TNXB: variants seen among roughly 807,000 people sequenced by gnomAD.
The protein encoded by TNXB is tenascin-X.
In TNXB, 183 loss-of-function variants were observed where a neutral mutation model predicts 340.5. The observed-to-expected ratio is 0.54, with a 90% CI of 0.48 to 0.61. The LOEUF (loss-of-function observed/expected upper bound fraction) is 0.61, where lower values mean the gene tolerates loss of function less well. TNXB is among the 20% of genes least tolerant of loss of function. The pLI, the probability that TNXB is intolerant of heterozygous loss-of-function variation, is 0.00. For synonymous variants in TNXB, 2,121 were observed against 2,314.5 expected (o/e 0.92, Z 2.40); for missense variants, 4,613 against 5,446.4 (o/e 0.85, Z 4.82).
At chr6:32,053,092 C>T (rs1777397196) in intron 25 of TNXB, 99 bp from the exon 26 acceptor site, 1 of 1,329,804 alleles carries the variant, frequency 7.5e-7, no homozygotes, top group Admixed American at 2.2e-5. Flanking sequence ...AGTGGGGGTC[C>T]TGGGGTCAGC....
chr6:32,073,920 C>T lies in TNXB; in HGVS notation c.4408G>A (p.Glu1470Lys). 3.1e-6 allele frequency: 5 copies of T among 1,603,662 alleles called. No individual in the cohort carries two copies. The South Asian group carries it at 3.4e-5, about 11-fold the overall frequency. Reference protein sequence around the residue: ...PQQEETPPATESPLEPRLGEL... With the variant: ...PQQEETPPATKSPLEPRLGEL... Reference sequence around the variant, plus strand: ...CCTAGGCGTGGCTCCAGCGGGGACTCAGTGGCTGGAGGGGTCTCTTCTTGT... The same window carrying T: ...CCTAGGCGTGGCTCCAGCGGGGACTTAGTGGCTGGAGGGGTCTCTTCTTGT... Residue 1470 changes from glutamate to lysine, a missense_variant, in exon 12 of 44, where the codon GAG becomes AAG. This residue lies in a region of TNXB where 4,327 missense variants were observed against 4,859.4 expected (regional missense o/e 0.89). Transcript: ENST00000644971. The surrounding 1 kb of genome is among the most constrained non-coding windows in gnomAD (Gnocchi z 4.6).
At chr6:32,099,801 G>T (rs1235711356) in intron 1 of TNXB, among the ~76,000 whole-genome samples, 1 of 151,774 alleles carries the variant, frequency 6.6e-6, no homozygotes, top group Non-Finnish European at 1.5e-5. Flanking sequence ...AAGGTGCAAG[G>T]ATAGACAGAT....
chr6:32,093,270 A>G (rs2127281057), intron 4 of TNXB: 1 of 672,404 alleles, frequency 1.5e-6, no homozygotes, highest in African/African-American at 1.8e-5. Context: ...GCAGCCAGGA[A>G]TTGTTTTTCT....
rs766137106 is a variant in TNXB, at chr6:32,046,348, G to A, written c.10433C>T (p.Ser3478Phe). Reference protein sequence around the residue: ...SWTVAQGPFDSFVVQYRDTDG... With the variant: ...SWTVAQGPFDFFVVQYRDTDG... ...CGTGTCCCTGTACTGGACCACGAAG[G>A]AGTCAAAGGGGCCCTGGGCTACCGT... Residue 3478 changes from serine (S) to phenylalanine (F), a missense_variant, in exon 31 of 44, where the codon TCC (serine) becomes TTC (phenylalanine). Around this residue, in one of 7 missense-constraint regions of TNXB, gnomAD observed 4,327 missense variants for 4,859.4 expected, o/e 0.89. Transcript: ENST00000644971. This position sits in a 1 kb window ranked among gnomAD's most constrained non-coding sequence, Gnocchi z 6.9. 2 of 1,605,232 alleles carry A rather than the reference G, an allele frequency of 1.2e-6. No homozygotes were observed. The highest frequency in any genetic ancestry group is 1.7e-5 in the Admixed American group (1 of 59,986).
At position 32,108,585 on chromosome 6, in the gene TNXB, C is replaced by T. The variant is rs1468156982; in HGVS notation, c.-9+596G>A. ...CGTCCCAGACCCGAGTCCTGACTGT[C>T]CCATTTCAGTATTTCCTAAAGAGAT... On this transcript the variant is annotated intron_variant, in intron 1 of 43. Coordinates refer to ENST00000644971, the MANE Select transcript of TNXB (RefSeq NM_001365276.2). The surrounding 1 kb of genome is among the most constrained non-coding windows in gnomAD (Gnocchi z 4.8). Among the ~76,000 whole-genome samples, 1 of 152,098 alleles carries T rather than the reference C, an allele frequency of 6.6e-6. No homozygotes were observed. The highest frequency in any genetic ancestry group is 1.5e-5 in the Non-Finnish European group (1 of 68,014).
rs1210958327 is a variant in TNXB at position 32,047,959 on chromosome 6, T to A, written c.10099A>T (p.Thr3367Ser). The A allele has an allele frequency of 6.2e-7, 1 of 1,611,244 alleles. No homozygotes were observed. The change falls in exon 30 of 44, where the codon ACC (threonine) becomes TCC (serine). Residue 3367 changes from threonine to serine, a missense_variant. Thr to Ser is a moderately conservative substitution (Grantham distance 58). Around this residue, in one of 7 missense-constraint regions of TNXB, gnomAD observed 4,327 missense variants for 4,859.4 expected, o/e 0.89. Transcript: ENST00000644971. This position sits in a 1 kb window ranked among gnomAD's most constrained non-coding sequence, Gnocchi z 6.2. ...CACGAGAGGCCCACGGAGTCAGGGG[T>A]CGCATCTGTCACAGTCAGCTCCCCC... ...RLGELTVTDA[T>S]PDSVGLSWTV...
At chr6:32,078,181 T>TCAC (rs1371367113) in intron 11 of TNXB, among the ~76,000 whole-genome samples, 2 of 151,724 alleles carry the variant, frequency 1.3e-5, no homozygotes, top group East Asian at 3.9e-4. Context: ...GCGTGGTGGC[T>TCAC]CACGCCTGTA....
Position 32,085,998 on chromosome 6 carries a change from C to T in TNXB, c.2900G>A (p.Arg967Lys). 2 of 1,606,978 alleles carry T rather than the reference C, an allele frequency of 1.2e-6. No homozygotes were observed. The highest frequency in any genetic ancestry group is 1.7e-6 in the Non-Finnish European group (2 of 1,178,408). The change falls in exon 7 of 44, where the codon AGG (arginine) becomes AAG (lysine). Residue 967 changes from arginine (R) to lysine (K), a missense_variant. This residue lies in a region of TNXB where 4,327 missense variants were observed against 4,859.4 expected (regional missense o/e 0.89). Coordinates refer to ENST00000644971, the MANE Select transcript of TNXB (RefSeq NM_001365276.2). This position sits in a 1 kb window ranked among gnomAD's most constrained non-coding sequence, Gnocchi z 6.4. Reference protein sequence around the residue: ...QQRPQELGELRVLGRDETGRL... With the variant: ...QQRPQELGELKVLGRDETGRL... ...CCCTGTCTCATCTCTGCCCAGCACC[C>T]TCAACTCTCCCAGCTCCTGGGGGCG...
rs1480248990 is a variant in TNXB at position 32,052,967 on chromosome 6, T to G, written c.8818A>C (p.Thr2940Pro). The change falls in exon 26 of 44, where the codon ACA becomes CCA. Residue 2940 changes from threonine (T) to proline (P), a missense_variant. Thr to Pro is a conservative substitution (Grantham distance 38). Transcript: ENST00000644971. This position sits in a 1 kb window ranked among gnomAD's most constrained non-coding sequence, Gnocchi z 4.7. Reference protein sequence around the residue: ...TAAEEETPAPTEPSTEAPEPP... With the variant: ...TAAEEETPAPPEPSTEAPEPP... ...TCCGGGGCCTCCGTGCTGGGTTCTG[T>G]GGGGGCGGGAGTTTCTTCCTCTGCA... The G allele has an allele frequency of 5.0e-6, 8 of 1,611,532 alleles. No individual in the cohort carries two copies. The highest frequency in any genetic ancestry group is 6.8e-6 in the Non-Finnish European group (8 of 1,179,368).
rs773650422 is a variant in TNXB at position 32,067,899 on chromosome 6, T to C, written c.6306A>G (p.Thr2102=). Residue 2102 remains threonine, a synonymous_variant, in exon 18 of 44, where the codon ACA becomes ACG. Transcript: ENST00000644971. The surrounding 1 kb of genome is among the most constrained non-coding windows in gnomAD (Gnocchi z 4.2). ...PAEEPLLGEL[T]VTGSSPDSLS... is the part of the protein sequence containing the mutation. ...GCGAGTCAGGGGAGGATCCTGTCACTGTTAGCTCCCCCAGGAGCGGCTCCT... is the reference window on the plus strand; with the variant it reads ...GCGAGTCAGGGGAGGATCCTGTCACCGTTAGCTCCCCCAGGAGCGGCTCCT... The C allele has an allele frequency of 6.2e-7, 1 of 1,612,710 alleles. No homozygotes were observed. The highest frequency in any genetic ancestry group is 8.5e-7 in the Non-Finnish European group (1 of 1,179,862).
In TNXB at chr6:32,064,445, C is replaced by T. The variant is rs548759654; in HGVS notation, c.6841+376G>A. Among the ~76,000 whole-genome samples the T allele has an allele frequency of 3.9e-5, 6 of 152,262 alleles. No homozygotes were observed. In the South Asian group the frequency reaches 1.2e-3, roughly 32 times the overall value. ...GCCAGGCTGGTCTCGAACTCCTGACCTCAAGTGATCTGCCCCCTTCGGCCT... is the reference window on the plus strand; with the variant it reads ...GCCAGGCTGGTCTCGAACTCCTGACTTCAAGTGATCTGCCCCCTTCGGCCT... On this transcript the variant is annotated intron_variant, in intron 19 of 43. Transcript: ENST00000644971. This position sits in a 1 kb window ranked among gnomAD's most constrained non-coding sequence, Gnocchi z 5.3.
Position 32,087,609 on chromosome 6 carries a change from G to A in TNXB, c.2779+1176C>T, listed in dbSNP as rs543327679. The stretch of plus-strand genomic sequence containing the variant: ...TCCTGGTGCCGGGATCAGGGCTGGC[G>A]GTGGGGCGGGGGTGGCGGGGCGGGG... On this transcript the variant is annotated intron_variant, in intron 6 of 43. Transcript: ENST00000644971. This position sits in a 1 kb window ranked among gnomAD's most constrained non-coding sequence, Gnocchi z 9.0. 133 of 399,102 alleles carry A rather than the reference G, an allele frequency of 3.3e-4. 1 individual carries two copies. Among genetic ancestry groups the A allele is most frequent in the South Asian group, 2.4e-3 (131 of 54,898 alleles). The allele number at this position is 399,102 out of a possible 1,614,324, so 24.7% of individuals were successfully genotyped here. A position where few individuals can be genotyped will look rare whatever the true frequency, so the allele number is the denominator to read the frequency against.
rs140304758 is a variant in TNXB at position 32,062,352 on chromosome 6, C to T, written c.6973G>A (p.Val2325Ile). The change falls in exon 20 of 44, where the codon GTT (valine) becomes ATT (isoleucine). Residue 2325 changes from valine to isoleucine, a missense_variant. This residue lies in a region of TNXB where 4,327 missense variants were observed against 4,859.4 expected (regional missense o/e 0.89). Transcript: ENST00000644971. This position sits in a 1 kb window ranked among gnomAD's most constrained non-coding sequence, Gnocchi z 4.3. ...AAGTGGTCAAACTGTCCCTCGGGAA[C>T]CGTCCAGGACAGGCTGAGGGAGTCA... is the stretch of plus-strand genomic sequence containing the variant. ...TPDSLSLSWT[V>I]PEGQFDHFLV... 881 of 1,613,560 alleles carry T rather than the reference C, an allele frequency of 5.5e-4. No individual in the cohort carries two copies. The highest frequency in any genetic ancestry group is 1.8e-3 in the Middle Eastern group (11 of 6,060).
chr6:32,041,600 T>C (rs1473888508), intron 43 of TNXB, 150 bp from the exon 44 acceptor site: 25 of 1,080,784 alleles, frequency 2.3e-5, no homozygotes, highest in Non-Finnish European at 6.9e-6. Flanking sequence ...GGCTTAATTC[T>C]GAGCTGGCCC....
At position 32,058,721 on chromosome 6, in the gene TNXB, A is replaced by G. The variant is rs1300512928; in HGVS notation, c.7493-331T>C. The stretch of plus-strand genomic sequence containing the variant: ...CCTAAGAAAATTATTAAAGCAGGAA[A>G]AAGTTATAGCATGGAAGAACTCACG... On this transcript the variant is annotated intron_variant, in intron 21 of 43. Transcript: ENST00000644971. The surrounding 1 kb of genome is among the most constrained non-coding windows in gnomAD (Gnocchi z 5.1). Among the ~76,000 whole-genome samples, 2 of 151,890 alleles carry G rather than the reference A, an allele frequency of 1.3e-5. No homozygotes were observed. The highest frequency in any genetic ancestry group is 4.9e-5 in the African/African-American group (2 of 41,134).
Position 32,073,537 on chromosome 6 carries a change from T to C in TNXB, c.4681+110A>G, listed in dbSNP as rs1451706587. The C allele has an allele frequency of 3.1e-5, 30 of 959,632 alleles. No homozygotes were observed. Among genetic ancestry groups the C allele is most frequent in the Admixed American group, 1.2e-4 (5 of 41,302 alleles). 59.4% of individuals were successfully genotyped at this position (959,632 alleles called of 1,614,324 possible). On this transcript the variant is annotated intron_variant, in intron 12 of 43. Coordinates refer to ENST00000644971, the MANE Select transcript of TNXB (RefSeq NM_001365276.2). This position sits in a 1 kb window ranked among gnomAD's most constrained non-coding sequence, Gnocchi z 4.6. ...CACCGAGCCAGGGCCTGAGGGGATCTAGCCCCTCAGTGAGGGTGCGGTGGT... is the reference window on the plus strand; with the variant it reads ...CACCGAGCCAGGGCCTGAGGGGATCCAGCCCCTCAGTGAGGGTGCGGTGGT...
chr6:32,100,745 AAAAC>A (rs1780675911), intron 1 of TNXB, among the ~76,000 whole-genome samples: 1 of 151,976 alleles, frequency 6.6e-6, no homozygotes, highest in Non-Finnish European at 1.5e-5. Context: ...GAAAAAGAAA[AAAAC>A]AAAACAAAAT....
Position 32,089,599 on chromosome 6 carries a change from C to A in TNXB, c.2359-220G>T, listed in dbSNP as rs1239742704. 6.6e-6 allele frequency among the ~76,000 whole-genome samples: 1 copy of A among 152,210 alleles called. No individual in the cohort carries two copies. Among genetic ancestry groups the A allele is most frequent in the African/African-American group, 2.4e-5 (1 of 41,442 alleles). On this transcript the variant is annotated intron_variant, in intron 4 of 43. Coordinates refer to ENST00000644971, the MANE Select transcript of TNXB (RefSeq NM_001365276.2). The surrounding 1 kb of genome is among the most constrained non-coding windows in gnomAD (Gnocchi z 6.2). Reference sequence around the variant, plus strand: ...ACATGAACTCACTTAATTCTCACAACAACCCTACGAAACAGGTCCTATTAG... The same window carrying A: ...ACATGAACTCACTTAATTCTCACAAAAACCCTACGAAACAGGTCCTATTAG...
intron 21 of TNXB, among the ~76,000 whole-genome samples, chr6:32,059,746 G>A (rs1025132572): frequency 6.6e-6 from 1 of 152,020 alleles, no homozygotes; most frequent in Non-Finnish European, 1.5e-5. Context: ...AGGAATCGGG[G>A]ATGCCGATTG....
Sources: gnomAD v4.1 joint callset for allele counts (sites outside exome capture counted in the v4.1 genomes callset) on GRCh38, gnomAD v4.1.1 for gene constraint, gnomAD v4.1.1 regional missense constraint, Gnocchi (gnomAD v3.1) non-coding constraint, MANE v1.5 for transcripts, NCBI Gene and HGNC (gene_info 2026-07-23, HGNC 2026-07-21) for gene names.